The following INPPL1 variants were observed in gnomAD, a reference collection of about 807,000 sequenced individuals.
The protein encoded by INPPL1 is inositol polyphosphate phosphatase like 1, also known as phosphatidylinositol 3,4,5-trisphosphate 5-phosphatase 2.
INPPL1 carries 91 observed loss-of-function variants against 139.3 expected under a neutral mutation model. That is an observed-to-expected ratio of 0.65 (90% CI 0.55 to 0.78). INPPL1 has a LOEUF of 0.78. INPPL1 is among the 30% of genes least tolerant of loss of function. The pLI, the probability that INPPL1 is intolerant of heterozygous loss-of-function variation, is 0.00. For synonymous variants in INPPL1, 719 were observed against 686.6 expected (o/e 1.05, Z -0.74); for missense variants, 1,411 against 1,665.6 (o/e 0.85, Z 2.66).
chr11:72,233,293 T>A, intron 17 of INPPL1, 130 bp downstream of exon 17: 3 of 1,054,432 alleles, frequency 2.8e-6, no homozygotes, highest in Non-Finnish European at 4.3e-6. Context: ...CTTTGGGTGA[T>A]CCTGGGTATT....
In INPPL1 at chr11:72,237,156, G is replaced by T; in HGVS notation, c.2912G>T (p.Gly971Val). The T allele has an allele frequency of 6.2e-7, 1 of 1,600,258 alleles. No individual in the cohort carries two copies. The highest frequency in any genetic ancestry group is 8.5e-7 in the Non-Finnish European group (1 of 1,170,046). ...CCAGAGGGAGCTCCTGAACCAGAAG[G>T]GGTGGCGGCCCCCCCACCCAAGAAC... is the stretch of plus-strand genomic sequence containing the variant. ...LKPEGAPEPE[G>V]VAAPPPKNSF... is the part of the protein sequence containing the mutation. Residue 971 changes from glycine (G) to valine (V), a missense_variant, in exon 26 of 28, where the codon GGG becomes GTG. Coordinates refer to ENST00000298229, the MANE Select transcript of INPPL1 (RefSeq NM_001567.4).
Position 72,237,349 on chromosome 11 carries a change from A to T in INPPL1, c.3105A>T (p.Gly1035=), listed in dbSNP as rs775921543. The T allele has an allele frequency of 6.2e-7, 1 of 1,613,832 alleles. No homozygotes were observed. Among genetic ancestry groups the T allele is most frequent in the South Asian group, 1.1e-5 (1 of 91,064 alleles). The change falls in exon 26 of 28, where the codon GGA becomes GGT. Residue 1035 remains glycine (G), a synonymous_variant. Transcript: ENST00000298229. The part of the protein sequence containing the change: ...QLGHHRHPRV[G]EGSSSDEESG... ...GGCACCACCGGCACCCTCGTGTGGG[A>T]GAGGGGAGTTCTTCAGATGAGGAGT...
At chr11:72,227,536 T>A (rs1476103208) in intron 1 of INPPL1, among the ~76,000 whole-genome samples, 1 of 152,012 alleles carries the variant, frequency 6.6e-6, no homozygotes, top group Non-Finnish European at 1.5e-5. Flanking sequence ...AGGCAGAGGA[T>A]CTTCCATCCC....
chr11:72,230,948 A>G (rs912927687), intron 11 of INPPL1, 45 bp from the exon 12 acceptor site: 2 of 1,611,406 alleles, frequency 1.2e-6, no homozygotes, highest in African/African-American at 2.7e-5. Context: ...GCCCCAGAGC[A>G]GGTGCCTAAC....
rs746930506 is a variant in INPPL1, at chr11:72,238,027, G to T, written c.3553-15G>T. On this transcript the variant is annotated splice_polypyrimidine_tract_variant and intron_variant, in intron 26 of 27. Transcript: ENST00000298229. ...GGGGGCACTCAGCTCCCCCTGACAT[G>T]CCCTGTTTCCTTAGGCTCCGTGCCT... The T allele has an allele frequency of 3.3e-6, 5 of 1,529,114 alleles. 1 individual carries two copies. The South Asian group carries it at 6.5e-5, about 20-fold the overall frequency. The allele number at this position is 1,529,114 out of a possible 1,614,324, so 94.7% of individuals were successfully genotyped here.
Position 72,235,792 on chromosome 11 carries a change from C to T in INPPL1, c.2738+39C>T. On this transcript the variant is annotated intron_variant, in intron 24 of 27. Coordinates refer to ENST00000298229, the MANE Select transcript of INPPL1 (RefSeq NM_001567.4). This position sits in a 1 kb window ranked among gnomAD's most constrained non-coding sequence, Gnocchi z 4.9. ...GTGTTGAATGTCATATGAAAGGGTA[C>T]CTGGGGGCATCTGGTCAACCCCACT... The T allele has an allele frequency of 6.2e-7, 1 of 1,613,734 alleles. No homozygotes were observed.
chr11:72,238,221 T>C (rs1435396275), intron 27 of INPPL1, 42 bp from the exon 28 acceptor site: 2 of 1,613,092 alleles, frequency 1.2e-6, no homozygotes, highest in Non-Finnish European at 1.7e-6. Context: ...GCCCTCAGGA[T>C]CCCCTTGCCC....
At chr11:72,231,269 C>A in intron 12 of INPPL1, 80 bp downstream of exon 12, 1 of 1,355,826 alleles carries the variant, frequency 7.4e-7, no homozygotes, top group Admixed American at 1.8e-5. Flanking sequence ...ATGGGCAACC[C>A]TGGGAGCACA....
chr11:72,229,017 C>T (rs1255908579), intron 4 of INPPL1, 73 bp from the exon 5 acceptor site: 1 of 1,545,910 alleles, frequency 6.5e-7, no homozygotes. Context: ...GGTACTATCT[C>T]CTCTAGGGAT....
At position 72,232,322 on chromosome 11, in the gene INPPL1, TGAG is replaced by T; in HGVS notation, c.1699_1701del (p.Glu567del). ...TGAATTGTCACCTCACCTCGGGAAA[TGAG>T]AAGACGGCTCGGTGAGGGGGCGCCT... is the stretch of plus-strand genomic sequence containing the variant. On this transcript the variant is annotated inframe_deletion, in exon 14 of 28. Transcript: ENST00000298229. The T allele has an allele frequency of 6.4e-7, 1 of 1,552,504 alleles. No individual in the cohort carries two copies. Among genetic ancestry groups the T allele is most frequent in the Non-Finnish European group, 8.7e-7 (1 of 1,147,386 alleles).
chr11:72,238,450 G>C lies in INPPL1; in HGVS notation c.*97G>C. The C allele has an allele frequency of 1.0e-6, 1 of 969,112 alleles. No individual in the cohort carries two copies. Among genetic ancestry groups the C allele is most frequent in the Non-Finnish European group, 1.5e-6 (1 of 677,902 alleles). The allele number at this position is 969,112 out of a possible 1,614,324, so 60.0% of individuals were successfully genotyped here. A position where few individuals can be genotyped will look rare whatever the true frequency, so the allele number is the denominator to read the frequency against. On this transcript the variant is annotated 3_prime_UTR_variant, in exon 28 of 28. Coordinates refer to ENST00000298229, the MANE Select transcript of INPPL1 (RefSeq NM_001567.4). ...TTGAAAAGTTATGAGGGTCAGGGCA[G>C]TATCTCTCTGCCTATTTATTGGGGT...
Position 72,235,104 on chromosome 11 carries a change from C to T in INPPL1, c.2416-12C>T, listed in dbSNP as rs758158113. The T allele has an allele frequency of 6.2e-7, 1 of 1,612,196 alleles. No homozygotes were observed. The highest frequency in any genetic ancestry group is 8.5e-7 in the Non-Finnish European group (1 of 1,178,892). ...GGGGCTTTGTTCCTCACTGGGCCTC[C>T]CTGCTTCCCAGCTCAAACCAATTCT... On this transcript the variant is annotated splice_polypyrimidine_tract_variant and intron_variant, in intron 21 of 27. Transcript: ENST00000298229. The surrounding 1 kb of genome is among the most constrained non-coding windows in gnomAD (Gnocchi z 4.9).
At chr11:72,227,346 C>G (rs574962997) in intron 1 of INPPL1, among the ~76,000 whole-genome samples, 7 of 152,280 alleles carry the variant, frequency 4.6e-5, no homozygotes, top group Non-Finnish European at 7.4e-5. Flanking sequence ...ACACTGGGTA[C>G]CCAGCGTGTC....
Position 72,230,356 on chromosome 11 carries a change from C to G in INPPL1, c.1091-6C>G. 1 of 1,613,944 alleles carries G rather than the reference C, an allele frequency of 6.2e-7. No homozygotes were observed. The highest frequency in any genetic ancestry group is 8.5e-7 in the Non-Finnish European group (1 of 1,179,982). On this transcript the variant is annotated splice_region_variant and splice_polypyrimidine_tract_variant and intron_variant, in intron 9 of 27. Coordinates refer to ENST00000298229, the MANE Select transcript of INPPL1 (RefSeq NM_001567.4). Reference sequence around the variant, plus strand: ...AGGCCCATGTGACCGGTCCTCCATGCCCTAGTCCGCCAGCTCATTAAGTCC... The same window carrying G: ...AGGCCCATGTGACCGGTCCTCCATGGCCTAGTCCGCCAGCTCATTAAGTCC...
chr11:72,237,440 C>G lies in INPPL1; in HGVS notation c.3196C>G (p.Pro1066Ala), dbSNP rs769094787. 1 of 1,610,322 alleles carries G rather than the reference C, an allele frequency of 6.2e-7. No individual in the cohort carries two copies. Among genetic ancestry groups the G allele is most frequent in the Admixed American group, 1.7e-5 (1 of 59,940 alleles). ...PPLPDSAIFL[P>A]PSLDPLPGPV... is the part of the protein sequence containing the mutation. ...ACTGCCGGACTCAGCCATCTTCCTG[C>G]CCCCCAGCCTGGATCCTTTACCAGG... Residue 1066 changes from proline to alanine, a missense_variant, in exon 26 of 28, where the codon CCC becomes GCC. Around this residue, in one of 5 missense-constraint regions of INPPL1, gnomAD observed 438 missense variants for 425.7 expected, o/e 1.03. Coordinates refer to ENST00000298229, the MANE Select transcript of INPPL1 (RefSeq NM_001567.4).
In INPPL1 at chr11:72,228,901, A is replaced by G; in HGVS notation, c.518+54A>G. The G allele has an allele frequency of 2.0e-6, 3 of 1,529,208 alleles. No homozygotes were observed. Among genetic ancestry groups the G allele is most frequent in the Non-Finnish European group, 2.6e-6 (3 of 1,138,800 alleles). 94.7% of individuals were successfully genotyped at this position (1,529,208 alleles called of 1,614,324 possible). On this transcript the variant is annotated intron_variant, in intron 4 of 27. Coordinates refer to ENST00000298229, the MANE Select transcript of INPPL1 (RefSeq NM_001567.4). The surrounding 1 kb of genome is among the most constrained non-coding windows in gnomAD (Gnocchi z 5.0). Reference sequence around the variant, plus strand: ...GGAGACCCTTTCTCCTCTGAGAACTATTTCCCTACCAAAGGTGGGGAGGCC... The same window carrying G: ...GGAGACCCTTTCTCCTCTGAGAACTGTTTCCCTACCAAAGGTGGGGAGGCC...
chr11:72,227,829 G>A (rs1174102596), intron 1 of INPPL1: 1 of 337,176 alleles, frequency 3.0e-6, no homozygotes, highest in Non-Finnish European at 5.7e-6. Context: ...GGCTTCTGAA[G>A]ACTCTTACTC....
At chr11:72,230,930 G>C (rs1948815634) in intron 11 of INPPL1, 32 bp downstream of exon 11, 4 of 1,612,910 alleles carry the variant, frequency 2.5e-6, no homozygotes, top group Non-Finnish European at 3.4e-6. Context: ...GGGCGGGAGA[G>C]AGGGATGGCC....
rs1173081952 is a variant in INPPL1 at position 72,228,297 on chromosome 11, G to A, written c.246+44G>A. 13 of 1,614,030 alleles carry A rather than the reference G, an allele frequency of 8.1e-6. No individual in the cohort carries two copies. The highest frequency in any genetic ancestry group is 1.0e-5 in the Non-Finnish European group (12 of 1,179,950). ...GACCCCTGACCTTGATCCAGCCTAGGGCTTGGGGACCTGCTGGCTGACCCT... is the reference window on the plus strand; with the variant it reads ...GACCCCTGACCTTGATCCAGCCTAGAGCTTGGGGACCTGCTGGCTGACCCT... On this transcript the variant is annotated intron_variant, in intron 2 of 27. Coordinates refer to ENST00000298229, the MANE Select transcript of INPPL1 (RefSeq NM_001567.4). This position sits in a 1 kb window ranked among gnomAD's most constrained non-coding sequence, Gnocchi z 5.0.
Sources: allele counts gnomAD v4.1 joint callset (sites outside exome capture counted in the v4.1 genomes callset), GRCh38; gene constraint gnomAD v4.1.1; regional missense constraint gnomAD v4.1.1; non-coding constraint Gnocchi (gnomAD v3.1); transcripts MANE v1.5; gene names NCBI Gene and HGNC (gene_info 2026-07-23, HGNC 2026-07-21).